The following LRP1B variants were observed in gnomAD, a reference collection of about 807,000 sequenced individuals.
LRP1B encodes the protein low-density lipoprotein receptor-related protein 1B.
In LRP1B, 217 loss-of-function variants were observed where a neutral mutation model predicts 556.6. That is an observed-to-expected ratio of 0.39 (90% CI 0.35 to 0.44). The LOEUF (loss-of-function observed/expected upper bound fraction) is 0.44, where lower values mean the gene tolerates loss of function less well. LRP1B is among the 20% of genes least tolerant of loss of function. The probability of loss-of-function intolerance (pLI) is 1.00; values close to 1 mark genes in which losing one functional copy is unlikely to be tolerated. For synonymous variants in LRP1B, 2,047 were observed against 1,865.8 expected (o/e 1.10, Z -2.50); for missense variants, 5,053 against 5,620.8 (o/e 0.90, Z 3.23).
At chr2:141,032,126 T>C (rs1003356519) in intron 11 of LRP1B, among the ~76,000 whole-genome samples, 17 of 152,046 alleles carry the variant, frequency 1.1e-4, no homozygotes, top group Non-Finnish European at 2.4e-4. Flanking sequence ...CTTTTGGATA[T>C]ACTTGCAAAA....
At chr2:141,136,332 C>T (rs1701491497) in intron 7 of LRP1B, among the ~76,000 whole-genome samples, 1 of 151,814 alleles carries the variant, frequency 6.6e-6, no homozygotes, top group Non-Finnish European at 1.5e-5. Context: ...TGAATCTTCA[C>T]TGTTCACTTT....
chr2:140,933,745 G>A (rs35863506), intron 20 of LRP1B, among the ~76,000 whole-genome samples: 15,510 of 151,830 alleles, frequency 0.1, 947 homozygotes, highest in Non-Finnish European at 0.13. Flanking sequence ...AAAGATAATT[G>A]GCTTCTTTCC....
At chr2:141,469,624 T>A (rs1044858584) in intron 3 of LRP1B, among the ~76,000 whole-genome samples, 2 of 152,186 alleles carry the variant, frequency 1.3e-5, no homozygotes, top group Non-Finnish European at 2.9e-5. Context: ...AAAAATAGTA[T>A]TTTTTACAAT....
intron 6 of LRP1B, among the ~76,000 whole-genome samples, chr2:141,227,516 C>G (rs1683293044): frequency 6.6e-6 from 1 of 152,052 alleles, no homozygotes; most frequent in Non-Finnish European, 1.5e-5. Flanking sequence ...CTTGTGCCAT[C>G]CTTTATTATT....
At chr2:140,841,113 G>A (rs747364560) in intron 29 of LRP1B, 21 bp from the exon 30 acceptor site, 2 of 1,531,832 alleles carry the variant, frequency 1.3e-6, no homozygotes, top group Admixed American at 3.9e-5. Context: ...GGAAAGAGAA[G>A]ATTTAAAGGT....
At position 141,875,599 on chromosome 2, in the gene LRP1B, A is replaced by T. The variant is rs75342862; in HGVS notation, c.83-65198T>A. ...ATTAATAATAGTTTGACAATTATTC[A>T]ATTTCATAAAGTTTAGATTAAATTA... On this transcript the variant is annotated intron_variant, in intron 1 of 90. Coordinates refer to ENST00000389484, the MANE Select transcript of LRP1B (RefSeq NM_018557.3). Among the ~76,000 whole-genome samples the T allele has an allele frequency of 3.6e-3, 546 of 152,048 alleles. 3 individuals are homozygous for T. Among genetic ancestry groups the T allele is most frequent in the African/African-American group, 0.013 (523 of 41,496 alleles).
intron 89 of LRP1B, among the ~76,000 whole-genome samples, chr2:140,235,687 C>A (rs530733677): frequency 8.1e-4 from 122 of 150,998 alleles, no homozygotes; most frequent in African/African-American, 2.8e-3. Flanking sequence ...TATTTGGGGG[C>A]ACTGAAACAT....
At chr2:141,087,738 G>A (rs1160437203) in intron 7 of LRP1B, among the ~76,000 whole-genome samples, 1 of 152,190 alleles carries the variant, frequency 6.6e-6, no homozygotes, top group African/African-American at 2.4e-5. Flanking sequence ...GAAACTTGAA[G>A]GGCAAGTAGG....
At chr2:141,627,797 A>G (rs1396885492) in intron 2 of LRP1B, among the ~76,000 whole-genome samples, 1 of 152,158 alleles carries the variant, frequency 6.6e-6, no homozygotes, top group Admixed American at 6.5e-5. Flanking sequence ...TAATTACGCG[A>G]TACCAACATA....
At chr2:141,825,126 C>T (rs1468278509) in intron 1 of LRP1B, among the ~76,000 whole-genome samples, 1 of 152,156 alleles carries the variant, frequency 6.6e-6, no homozygotes, top group African/African-American at 2.4e-5. Context: ...ATAAATTACC[C>T]AGTCTCAGGG....
chr2:141,258,532 C>T (rs931628621), intron 3 of LRP1B, among the ~76,000 whole-genome samples: 1 of 152,004 alleles, frequency 6.6e-6, no homozygotes, highest in African/African-American at 2.4e-5. Flanking sequence ...TAATCCAATT[C>T]GTGAAGATTC....
In LRP1B at chr2:141,295,790, C is replaced by CACACACACACACACACAT. The variant is rs963472660; in HGVS notation, c.344-41150_344-41149insATGTGTGTGTGTGTGTGT. ...ACACACACACACACACACACACACA[C>CACACACACACACACACAT]ATAACAGTGGGGCATCTAGCCTCTA... On this transcript the variant is annotated intron_variant, in intron 3 of 90. Transcript: ENST00000389484. Among the ~76,000 whole-genome samples the CACACACACACACACACAT allele has an allele frequency of 7.1e-5, 10 of 141,306 alleles. No individual in the cohort carries two copies. In the East Asian group the frequency reaches 1.8e-3, roughly 25 times the overall value. The allele number at this position is 141,306 out of a possible 152,430, so 92.7% of individuals were successfully genotyped here. A position where few individuals can be genotyped will look rare whatever the true frequency, so the allele number is the denominator to read the frequency against.
chr2:141,203,050 G>A (rs984600742), intron 6 of LRP1B, among the ~76,000 whole-genome samples: 1 of 151,910 alleles, frequency 6.6e-6, no homozygotes, highest in Admixed American at 6.6e-5. Context: ...CACTAAACAT[G>A]GAAAGGAACA....
chr2:141,518,096 G>T (rs545119222), intron 2 of LRP1B, among the ~76,000 whole-genome samples: 106 of 144,550 alleles, frequency 7.3e-4, no homozygotes, highest in African/African-American at 2.5e-3. Context: ...AGATAATGTA[G>T]GTTAAAAATT....
intron 63 of LRP1B, among the ~76,000 whole-genome samples, chr2:140,445,530 A>C (rs761715979): frequency 3.1e-4 from 47 of 152,172 alleles, no homozygotes; most frequent in Non-Finnish European, 3.2e-4. Context: ...AGAGAACAAT[A>C]TCTTATAAAT....
intron 7 of LRP1B, among the ~76,000 whole-genome samples, chr2:141,107,611 A>C (rs1256002540): frequency 6.6e-6 from 1 of 152,054 alleles, no homozygotes; most frequent in East Asian, 1.9e-4. Flanking sequence ...GCGCCACTGC[A>C]CTCCAGCCTG....
chr2:141,509,208 C>A (rs545481809), intron 2 of LRP1B, among the ~76,000 whole-genome samples: 2 of 152,096 alleles, frequency 1.3e-5, no homozygotes, highest in Non-Finnish European at 2.9e-5. Flanking sequence ...GATATGCAAA[C>A]TTGAAACAGC....
rs947225292 is a variant in LRP1B at position 140,439,791 on chromosome 2, G to A, written c.10414+2713C>T. On this transcript the variant is annotated intron_variant, in intron 66 of 90. Coordinates refer to ENST00000389484, the MANE Select transcript of LRP1B (RefSeq NM_018557.3). ...TAATTTTTCCATAGATTGAATATTC[G>A]TTGTCAAAATTGTGAGTACTCGTAG... is the stretch of plus-strand genomic sequence containing the variant. Among the ~76,000 whole-genome samples, 8 of 151,886 alleles carry A rather than the reference G, an allele frequency of 5.3e-5. No individual in the cohort carries two copies. In the East Asian group the frequency reaches 1.4e-3, roughly 26 times the overall value.
chr2:140,886,026 T>G lies in LRP1B; in HGVS notation c.3964+112A>C, dbSNP rs1693628340. The G allele has an allele frequency of 2.0e-5, 13 of 651,592 alleles. 1 individual carries two copies. In the South Asian group the frequency reaches 3.1e-4, roughly 15 times the overall value. The allele number at this position is 651,592 out of a possible 1,614,324, so 40.4% of individuals were successfully genotyped here. On this transcript the variant is annotated intron_variant, in intron 24 of 90. Coordinates refer to ENST00000389484, the MANE Select transcript of LRP1B (RefSeq NM_018557.3). Reference sequence around the variant, plus strand: ...GATTTTACATATATGAGGGAGGGGATAAAGGACCAAAGGTCAAAGAATAAT... The same window carrying G: ...GATTTTACATATATGAGGGAGGGGAGAAAGGACCAAAGGTCAAAGAATAAT...
Sources: allele counts gnomAD v4.1 joint callset (sites outside exome capture counted in the v4.1 genomes callset), GRCh38; gene constraint gnomAD v4.1.1; transcripts MANE v1.5; gene names NCBI Gene and HGNC (gene_info 2026-07-23, HGNC 2026-07-21).